Variants in NEXN observed in about 807,000 individuals in gnomAD.
NEXN encodes the protein nexilin F-actin binding protein, also known as nexilin.
NEXN carries 65 observed loss-of-function variants against 92.6 expected under a neutral mutation model. The ratio of observed to expected loss-of-function variants is 0.70; its 90% CI spans 0.57 to 0.86. NEXN has a LOEUF of 0.86. Among genes scored for constraint, NEXN ranks in the 40% least tolerant of loss-of-function variants. The pLI, the probability that NEXN is intolerant of heterozygous loss-of-function variation, is 0.00. For synonymous variants in NEXN, 254 were observed against 242.5 expected (o/e 1.05, Z -0.44); for missense variants, 778 against 771.1 (o/e 1.01, Z -0.11).
At chr1:77,907,127 T>C (rs1290030198) in intron 1 of NEXN, among the ~76,000 whole-genome samples, 1 of 152,224 alleles carries the variant, frequency 6.6e-6, no homozygotes, top group Non-Finnish European at 1.5e-5. Context: ...GACTAAAGGA[T>C]GTATTAGTGA....
chr1:77,927,193 T>C (rs1649922086), intron 8 of NEXN, among the ~76,000 whole-genome samples: 1 of 151,872 alleles, frequency 6.6e-6, no homozygotes, highest in Non-Finnish European at 1.5e-5. Flanking sequence ...GAGAATCACT[T>C]GAACTTAGGC....
chr1:77,904,963 T>C (rs761180706), intron 1 of NEXN, among the ~76,000 whole-genome samples: 1 of 152,192 alleles, frequency 6.6e-6, no homozygotes, highest in African/African-American at 2.4e-5. Context: ...GCATAGTAGA[T>C]GCTTAATAAA....
chr1:77,926,383 A>C (rs1250670658), intron 6 of NEXN, 31 bp from the exon 7 acceptor site: 1 of 1,505,720 alleles, frequency 6.6e-7, no homozygotes, highest in South Asian at 1.2e-5. Context: ...GATTAAGAAG[A>C]AATAGGCTAA....
intron 9 of NEXN, among the ~76,000 whole-genome samples, chr1:77,931,092 G>A (rs1347434778): frequency 2.0e-5 from 3 of 152,050 alleles, no homozygotes; most frequent in African/African-American, 7.2e-5. Flanking sequence ...AGCAGGTTTA[G>A]AAGCGGTAGA....
rs1651462204 is a variant in NEXN, at chr1:77,942,558, A to G, written c.1757A>G (p.Lys586Arg). 1 of 1,613,830 alleles carries G rather than the reference A, an allele frequency of 6.2e-7. No individual in the cohort carries two copies. Among genetic ancestry groups the G allele is most frequent in the South Asian group, 1.1e-5 (1 of 91,068 alleles). Residue 586 changes from lysine to arginine, a missense_variant, in exon 13 of 13, where the codon AAG becomes AGG. Around this residue, in one of 3 missense-constraint regions of NEXN, gnomAD observed 532 missense variants for 476.7 expected, o/e 1.12. Coordinates refer to ENST00000334785, the MANE Select transcript of NEXN (RefSeq NM_144573.4). ...QTRSGAPWFK[K>R]PLKNTSVVDS... Reference sequence around the variant, plus strand: ...AGATCAGGAGCTCCATGGTTCAAGAAGCCTCTTAAAAACACATCAGTTGTA... The same window carrying G: ...AGATCAGGAGCTCCATGGTTCAAGAGGCCTCTTAAAAACACATCAGTTGTA...
intron 6 of NEXN, 31 bp from the exon 7 acceptor site, chr1:77,926,379 GAAGA>G (rs1557981426): frequency 1.3e-6 from 2 of 1,481,574 alleles, no homozygotes; most frequent in South Asian, 1.2e-5. Context: ...TTTTGATTAA[GAAGA>G]AATAGGCTAA....
intron 8 of NEXN, among the ~76,000 whole-genome samples, chr1:77,927,192 T>C (rs986952188): frequency 6.6e-6 from 1 of 151,916 alleles, no homozygotes; most frequent in African/African-American, 2.4e-5. Context: ...CGAGAATCAC[T>C]TGAACTTAGG....
At chr1:77,906,407 C>T (rs562180749) in intron 1 of NEXN, among the ~76,000 whole-genome samples, 1 of 152,154 alleles carries the variant, frequency 6.6e-6, no homozygotes, top group East Asian at 1.9e-4. Flanking sequence ...CTTCCACCGT[C>T]AATGTTTTCT....
chr1:77,916,728 G>T (rs1174058686), intron 2 of NEXN, among the ~76,000 whole-genome samples: 1 of 152,008 alleles, frequency 6.6e-6, no homozygotes, highest in Non-Finnish European at 1.5e-5. Flanking sequence ...AAAAGGATTT[G>T]GTGTTCTGAG....
At chr1:77,940,632 A>G (rs1192257401) in intron 11 of NEXN, among the ~76,000 whole-genome samples, 3 of 152,238 alleles carry the variant, frequency 2.0e-5, no homozygotes, top group African/African-American at 7.2e-5. Flanking sequence ...CAATTATTGT[A>G]CCTGCTGAAA....
At chr1:77,905,719 G>C (rs1357514550) in intron 1 of NEXN, among the ~76,000 whole-genome samples, 2 of 152,090 alleles carry the variant, frequency 1.3e-5, no homozygotes. Flanking sequence ...GCTACAATTA[G>C]GGTAACCATG....
chr1:77,935,442 A>G (rs529190152), intron 10 of NEXN, among the ~76,000 whole-genome samples: 3 of 152,360 alleles, frequency 2.0e-5, no homozygotes, highest in African/African-American at 7.2e-5. Flanking sequence ...GCAAGTTATC[A>G]AGGAATGTCA....
intron 1 of NEXN, among the ~76,000 whole-genome samples, chr1:77,911,659 A>G (rs914086333): frequency 6.6e-6 from 1 of 152,062 alleles, no homozygotes; most frequent in African/African-American, 2.4e-5. Flanking sequence ...AACTACCTTC[A>G]GGCTATATGT....
At position 77,893,916 on chromosome 1, in the gene NEXN, C is replaced by T. The variant is rs543946764; in HGVS notation, c.-53+5157C>T. ...CATCTCGTCTTAGTGCAATCTCCAC[C>T]CCCTGGGTTCAAGTGATTCTCTTGC... On this transcript the variant is annotated intron_variant, in intron 1 of 12. Coordinates refer to ENST00000334785, the MANE Select transcript of NEXN (RefSeq NM_144573.4). Among the ~76,000 whole-genome samples the T allele has an allele frequency of 3.3e-5, 5 of 152,024 alleles. No homozygotes were observed. In the South Asian group the frequency reaches 1.0e-3, roughly 32 times the overall value.
At chr1:77,938,077 A>G (rs1350332299) in intron 11 of NEXN, among the ~76,000 whole-genome samples, 2 of 152,160 alleles carry the variant, frequency 1.3e-5, no homozygotes, top group Admixed American at 1.3e-4. Flanking sequence ...ATACAGTAAC[A>G]ATACGGGAAA....
At position 77,943,191 on chromosome 1, in the gene NEXN, G is replaced by A; in HGVS notation, c.*362G>A. 3.8e-6 allele frequency: 1 copy of A among 262,610 alleles called. No homozygotes were observed. The highest frequency in any genetic ancestry group is 7.6e-6 in the Non-Finnish European group (1 of 132,104). 16.3% of individuals were successfully genotyped at this position (262,610 alleles called of 1,614,324 possible). On this transcript the variant is annotated 3_prime_UTR_variant, in exon 13 of 13. Transcript: ENST00000334785. ...TCTATCAGAACCTATTATAAAGACT[G>A]TATTTCCCATAGACGTTTACAGCAA... is the stretch of plus-strand genomic sequence containing the variant.
intron 5 of NEXN, 74 bp from the exon 6 acceptor site, chr1:77,925,114 C>T (rs1649742924): frequency 2.1e-6 from 2 of 939,168 alleles, no homozygotes; most frequent in Admixed American, 2.0e-5. Context: ...AACTAAATTA[C>T]TTTCCAGTTG....
chr1:77,940,557 A>T (rs1231002617), intron 11 of NEXN, among the ~76,000 whole-genome samples: 1 of 152,240 alleles, frequency 6.6e-6, no homozygotes, highest in Non-Finnish European at 1.5e-5. Flanking sequence ...ATGAATAGTT[A>T]TGAATTTGCA....
intron 1 of NEXN, among the ~76,000 whole-genome samples, chr1:77,889,832 A>T (rs538092639): frequency 1.3e-5 from 2 of 152,380 alleles, no homozygotes; most frequent in South Asian, 4.1e-4. Flanking sequence ...TTCATGTAGC[A>T]GCGGCCCATT....
Sources: allele counts gnomAD v4.1 joint callset (sites outside exome capture counted in the v4.1 genomes callset), GRCh38; gene constraint gnomAD v4.1.1; regional missense constraint gnomAD v4.1.1; transcripts MANE v1.5; gene names NCBI Gene and HGNC (gene_info 2026-07-23, HGNC 2026-07-21).